The following RALGDS variants were observed in gnomAD, a reference collection of about 807,000 sequenced individuals.
RALGDS encodes the protein ral guanine nucleotide dissociation stimulator, also known as ral guanine nucleotide exchange factor.
In RALGDS, 44 loss-of-function variants were observed where a neutral mutation model predicts 99.8. The observed-to-expected ratio is 0.44, with a 90% CI of 0.35 to 0.57. The LOEUF (loss-of-function observed/expected upper bound fraction) is 0.57, where lower values mean the gene tolerates loss of function less well. RALGDS is among the 20% of genes least tolerant of loss of function. The pLI is 0.01. For synonymous variants in RALGDS, 529 were observed against 505.0 expected, an observed-to-expected ratio of 1.05 and a Z score of -0.64; for missense variants, 1,022 against 1,203.1, an observed-to-expected ratio of 0.85 and a Z score of 2.23.
chr9:133,129,324 G>A, intron 1 of RALGDS: 1 of 1,575,628 alleles, frequency 6.3e-7, no homozygotes. Context: ...GCCATGGTGG[G>A]GCGAGAGCCA....
Position 133,106,735 on chromosome 9 carries a change from AG to A in RALGDS, c.1426del (p.Leu476SerfsTer22). 1 of 1,611,176 alleles carries A rather than the reference AG, an allele frequency of 6.2e-7. No homozygotes were observed. The highest frequency in any genetic ancestry group is 8.5e-7 in the Non-Finnish European group (1 of 1,178,172). Reference sequence around the variant, plus strand: ...GGCATACAGTGACGAGAAGTTCTTGAGGATCCGGCACTCCTGGGGCGGGAAG... The same window carrying A: ...GGCATACAGTGACGAGAAGTTCTTGAGATCCGGCACTCCTGGGGCGGGAAG... ...WIEVARECRILKNFSSLYAIL... is the reference protein window; with the variant it reads ...WIEVARECRIXKNFSSLYAIL... On this transcript the variant is annotated frameshift_variant, in exon 8 of 18. Coordinates refer to ENST00000372050, the MANE Select transcript of RALGDS (RefSeq NM_006266.4). LOFTEE classifies it high-confidence loss of function.
chr9:133,148,815 C>A, intron 1 of RALGDS: 1 of 928,468 alleles, frequency 1.1e-6, no homozygotes, highest in South Asian at 1.7e-5. Context: ...AGTTTCCCTA[C>A]TGTCCCGGGC....
intron 3 of RALGDS, among the ~76,000 whole-genome samples, chr9:133,109,950 T>A (rs1481262333): frequency 6.6e-6 from 1 of 152,168 alleles, no homozygotes; most frequent in East Asian, 1.9e-4. Context: ...CCAGATAGAA[T>A]CCGGAATCTC....
At chr9:133,128,242 C>T (rs1158210893) in intron 1 of RALGDS, among the ~76,000 whole-genome samples, 1 of 151,822 alleles carries the variant, frequency 6.6e-6, no homozygotes, top group East Asian at 1.9e-4. Context: ...GAACCCAAGA[C>T]CCAAAAGTGA....
intron 1 of RALGDS, among the ~76,000 whole-genome samples, chr9:133,112,454 CACACAGGGG>C (rs1307104759): frequency 1.3e-5 from 2 of 152,186 alleles, no homozygotes; most frequent in Non-Finnish European, 2.9e-5. Flanking sequence ...CATCCCCTTC[CACACAGGGG>C]ACTGTTATTC....
upstream of RALGDS, among the ~76,000 whole-genome samples, chr9:133,132,522 C>T (rs889771841): frequency 5.9e-5 from 9 of 152,132 alleles, no homozygotes; most frequent in East Asian, 1.9e-4. Context: ...AGTGTGACCT[C>T]GCAGCCTAGC....
Position 133,107,074 on chromosome 9 carries a change from C to G in RALGDS, c.1413+11G>C. The stretch of plus-strand genomic sequence containing the variant: ...GCCAAAGTGGGGGCCCAGGCCCCTC[C>G]TCTGGCATACCCTGGCCACCTCGAT... On this transcript the variant is annotated intron_variant, in intron 7 of 17. Coordinates refer to ENST00000372050, the MANE Select transcript of RALGDS (RefSeq NM_006266.4). The G allele has an allele frequency of 6.2e-7, 1 of 1,613,200 alleles. No homozygotes were observed. The highest frequency in any genetic ancestry group is 2.2e-5 in the East Asian group (1 of 44,884).
chr9:133,119,738 G>A (rs1318458735), intron 1 of RALGDS, among the ~76,000 whole-genome samples: 1 of 151,964 alleles, frequency 6.6e-6, no homozygotes, highest in Admixed American at 6.5e-5. Context: ...GGATAGATGA[G>A]GGTTGAGGGA....
intron 9 of RALGDS, among the ~76,000 whole-genome samples, chr9:133,104,830 C>T (rs1404403515): frequency 6.6e-6 from 1 of 152,066 alleles, no homozygotes; most frequent in East Asian, 1.9e-4. Flanking sequence ...TAAAAAAACT[C>T]CACCTGCCTC....
chr9:133,098,437 C>A lies in RALGDS; in HGVS notation c.*150G>T. On this transcript the variant is annotated 3_prime_UTR_variant, in exon 18 of 18. Transcript: ENST00000372050. ...CCAGGTCAGCCTGACCAATGGCAGG[C>A]GTCAATCCCAGCAGCGGGAGAGGTT... 1.2e-6 allele frequency: 1 copy of A among 819,416 alleles called. No individual in the cohort carries two copies. The highest frequency in any genetic ancestry group is 2.0e-6 in the Non-Finnish European group (1 of 509,746). The allele number at this position is 819,416 out of a possible 1,614,324, so 50.8% of individuals were successfully genotyped here.
chr9:133,110,338 G>T lies in RALGDS; in HGVS notation c.446C>A (p.Ala149Asp). ...YVTIFLCTYR[A>D]FTTTQQVLDL... Reference sequence around the variant, plus strand: ...CAGGACCTGTTGGGTGGTGGTGAAGGCTCTATAGGTACACAGGAAGATGGT... The same window carrying T: ...CAGGACCTGTTGGGTGGTGGTGAAGTCTCTATAGGTACACAGGAAGATGGT... Residue 149 changes from alanine (A) to aspartate (D), a missense_variant, in exon 3 of 18, where the codon GCC becomes GAC. Physicochemically the swap from Ala to Asp is moderately radical, Grantham distance 126. Around this residue, in one of 3 missense-constraint regions of RALGDS, gnomAD observed 825 missense variants for 994.5 expected, o/e 0.83. Transcript: ENST00000372050. The T allele has an allele frequency of 6.2e-7, 1 of 1,613,922 alleles. No individual in the cohort carries two copies. Among genetic ancestry groups the T allele is most frequent in the Non-Finnish European group, 8.5e-7 (1 of 1,180,000 alleles).
rs746431765 is a variant in RALGDS at position 133,107,285 on chromosome 9, C to G, written c.1213G>C (p.Val405Leu). ...GAGCCCAGGCAGTGGTAGGGCACCA[C>G]CTTCTTGAACAGTTCCTGGGGAGGA... ...TLMDAELFKKVVPYHCLGSIW... is the reference protein window; with the variant it reads ...TLMDAELFKKLVPYHCLGSIW... The change falls in exon 7 of 18, where the codon GTG becomes CTG. Residue 405 changes from valine (V) to leucine (L), a missense_variant. Transcript: ENST00000372050. The G allele has an allele frequency of 3.7e-6, 6 of 1,613,334 alleles. No homozygotes were observed. Among genetic ancestry groups the G allele is most frequent in the Non-Finnish European group, 5.1e-6 (6 of 1,179,842 alleles).
At position 133,115,741 on chromosome 9, in the gene RALGDS, G is replaced by A. The variant is rs1226069919; in HGVS notation, c.184-3589C>T. On this transcript the variant is annotated intron_variant, in intron 1 of 17. Transcript: ENST00000372050. Reference sequence around the variant, plus strand: ...ATCATATCCCCCTGGGGCCGGCGACGGATGCTGGGCTGTAAAAACCTGAGG... The same window carrying A: ...ATCATATCCCCCTGGGGCCGGCGACAGATGCTGGGCTGTAAAAACCTGAGG... Among the ~76,000 whole-genome samples, 9 of 152,208 alleles carry A rather than the reference G, an allele frequency of 5.9e-5. No homozygotes were observed. In the East Asian group the frequency reaches 9.6e-4, roughly 16 times the overall value.
intron 10 of RALGDS, 32 bp from the exon 11 acceptor site, chr9:133,103,865 C>A: frequency 6.3e-7 from 1 of 1,595,964 alleles, no homozygotes; most frequent in Non-Finnish European, 8.6e-7. Context: ...ATGAGCAAGG[C>A]CCCTCCCCTG....
chr9:133,126,077 C>A (rs778503903), upstream of RALGDS, among the ~76,000 whole-genome samples: 1 of 152,164 alleles, frequency 6.6e-6, no homozygotes, highest in Non-Finnish European at 1.5e-5. Flanking sequence ...CGGTTGGAGC[C>A]TCTGCTGGGA....
intron 1 of RALGDS, among the ~76,000 whole-genome samples, chr9:133,140,003 C>A (rs1022395324): frequency 6.6e-6 from 1 of 152,086 alleles, no homozygotes; most frequent in Non-Finnish European, 1.5e-5. Context: ...AACTTCCCTG[C>A]GGCTGCTGTT....
intron 8 of RALGDS, 113 bp from the exon 9 acceptor site, chr9:133,106,129 ACAGGGTACCC>A (rs1186913942): frequency 7.5e-6 from 6 of 803,286 alleles, no homozygotes; most frequent in East Asian, 2.9e-5. Flanking sequence ...AACGCAGCAC[ACAGGGTACCC>A]CAGAGCACTA....
intron 1 of RALGDS, among the ~76,000 whole-genome samples, chr9:133,126,322 C>T (rs1028596041): frequency 2.0e-5 from 3 of 152,174 alleles, no homozygotes; most frequent in Non-Finnish European, 4.4e-5. Context: ...GGACGCTGCT[C>T]GCAGAGGAAC....
At chr9:133,131,533 G>A (rs935643084), upstream of RALGDS, among the ~76,000 whole-genome samples, 1 of 151,860 alleles carries the variant, frequency 6.6e-6, no homozygotes, top group African/African-American at 2.4e-5. Context: ...CTCAGGACTC[G>A]GCCCCCAGTC....
Sources: gnomAD v4.1 joint callset for allele counts (sites outside exome capture counted in the v4.1 genomes callset) on GRCh38, gnomAD v4.1.1 for gene constraint, gnomAD v4.1.1 regional missense constraint, MANE v1.5 for transcripts, NCBI Gene and HGNC (gene_info 2026-07-23, HGNC 2026-07-21) for gene names.